Variants in MGAM observed in about 807,000 individuals in gnomAD.
The protein encoded by MGAM is maltase-glucoamylase.
A neutral mutation model predicts 358.8 loss-of-function variants in MGAM; 253 were observed. The ratio of observed to expected loss-of-function variants is 0.71; its 90% confidence interval spans 0.64 to 0.78. MGAM has a LOEUF of 0.78. Among genes scored for constraint, MGAM ranks in the 30% least tolerant of loss-of-function variants. MGAM has a pLI of 0.00. For synonymous variants in MGAM, 1,105 were observed against 1,227.1 expected, an observed-to-expected ratio of 0.90 and a Z score of 2.08; for missense variants, 3,080 against 3,432.6, an observed-to-expected ratio of 0.90 and a Z score of 2.57.
intron 62 of MGAM, 25 bp from the exon 63 acceptor site, chr7:142,094,722 C>T (rs746174875): frequency 1.8e-5 from 29 of 1,613,220 alleles, no homozygotes; most frequent in African/African-American, 2.7e-5. Flanking sequence ...CATCAGCAGG[C>T]TCCTTTTATT....
intron 45 of MGAM, among the ~76,000 whole-genome samples, chr7:142,074,809 A>G (rs1332550086): frequency 1.4e-5 from 2 of 146,480 alleles, no homozygotes; most frequent in Non-Finnish European, 3.1e-5. Context: ...GTAGTCAAAT[A>G]TTTTGTTGGC....
At position 142,027,134 on chromosome 7, in the gene MGAM, G is replaced by T; in HGVS notation, c.1002G>T (p.Ala334=). The stretch of plus-strand genomic sequence containing the variant: ...TTCAAGAGGTTGTCCTTCAGCCTGC[G>T]CCAGCCATCACTTACCGCACCATTG... The part of the protein sequence containing the change: ...SNAMEVVLQP[A]PAITYRTIGG... Residue 334 remains alanine, a synonymous_variant, in exon 9 of 71, where the codon GCG becomes GCT. Coordinates refer to ENST00000475668, the MANE Select transcript of MGAM (RefSeq NM_001365693.1). 1 of 1,612,892 alleles carries T rather than the reference G, an allele frequency of 6.2e-7. No homozygotes were observed. Among genetic ancestry groups the T allele is most frequent in the Non-Finnish European group, 8.5e-7 (1 of 1,179,190 alleles).
At chr7:142,014,248 G>A (rs1397916421) in intron 3 of MGAM, among the ~76,000 whole-genome samples, 1 of 152,148 alleles carries the variant, frequency 6.6e-6, no homozygotes, top group African/African-American at 2.4e-5. Context: ...TCTGTAGGTC[G>A]TTATGTTGGA....
In MGAM at chr7:142,070,169, G is replaced by A. The variant is rs1255111055; in HGVS notation, c.5062-825G>A. Among the ~76,000 whole-genome samples the A allele has an allele frequency of 1.9e-4, 27 of 141,032 alleles. 1 individual carries two copies. The highest frequency in any genetic ancestry group is 6.7e-4 in the African/African-American group (27 of 40,386). 92.5% of individuals were successfully genotyped at this position (141,032 alleles called of 152,430 possible). On this transcript the variant is annotated intron_variant, in intron 43 of 70. Coordinates refer to ENST00000475668, the MANE Select transcript of MGAM (RefSeq NM_001365693.1). The stretch of plus-strand genomic sequence containing the variant: ...GATTGTGCCACTGCACTCCAGCCTG[G>A]GTGACGGAACCAGACTTTGTCTCAA...
rs184482227 is a variant in MGAM at position 141,988,293 on chromosome 7, C to A, written c.-2-17236C>A. Among the ~76,000 whole-genome samples the A allele has an allele frequency of 1.4e-4, 22 of 151,880 alleles. No individual in the cohort carries two copies. The East Asian group carries it at 2.7e-3, about 19-fold the overall frequency. On this transcript the variant is annotated intron_variant, in intron 2 of 5. Transcript: ENST00000465654. Reference sequence around the variant, plus strand: ...CCTGTGCAACACAGCAAGACTCTGTCTTAAAAAAAAACAAAAATATTTAAA... The same window carrying A: ...CCTGTGCAACACAGCAAGACTCTGTATTAAAAAAAAACAAAAATATTTAAA...
intron 21 of MGAM, among the ~76,000 whole-genome samples, chr7:142,044,434 A>G (rs1217478268): frequency 7.9e-5 from 11 of 139,396 alleles, no homozygotes; most frequent in Admixed American, 3.9e-4. Flanking sequence ...CACATACGAT[A>G]TATATAATGA....
chr7:142,054,929 C>T, intron 27 of MGAM, 21 bp downstream of exon 27: 2 of 1,611,512 alleles, frequency 1.2e-6, no homozygotes, highest in Non-Finnish European at 1.7e-6. Context: ...TCTAGTGTGA[C>T]TCAGAGTTGA....
chr7:142,057,178 G>A (rs1018823196), intron 30 of MGAM, among the ~76,000 whole-genome samples: 5 of 152,198 alleles, frequency 3.3e-5, no homozygotes, highest in East Asian at 1.9e-4. Flanking sequence ...GGTAGTGATA[G>A]TAGTGTGATG....
intron 2 of MGAM, among the ~76,000 whole-genome samples, chr7:141,988,236 C>A (rs1051274388): frequency 2.0e-5 from 3 of 151,898 alleles, no homozygotes; most frequent in Admixed American, 2.0e-4. Context: ...TGCAGTGAGC[C>A]GAGATTGCGC....
chr7:142,056,961 G>GT lies in MGAM; in HGVS notation c.3693+22dup, dbSNP rs1044121274. ...CACTGAGGTAGGGGGAAATCCAATT[G>GT]TTTATCAAGTACTTACACAGCACAT... On this transcript the variant is annotated intron_variant, in intron 30 of 70. Transcript: ENST00000475668. 1 of 1,610,810 alleles carries GT rather than the reference G, an allele frequency of 6.2e-7. No homozygotes were observed. The highest frequency in any genetic ancestry group is 8.5e-7 in the Non-Finnish European group (1 of 1,177,546).
In MGAM at chr7:142,030,372, A is replaced by T; in HGVS notation, c.1232A>T (p.His411Leu). 6.2e-7 allele frequency: 1 copy of T among 1,613,136 alleles called. No homozygotes were observed. Among genetic ancestry groups the T allele is most frequent in the Non-Finnish European group, 8.5e-7 (1 of 1,179,512 alleles). The change falls in exon 11 of 71, where the codon CAT becomes CTT. Residue 411 changes from histidine to leucine, a missense_variant. His to Leu is a moderately conservative substitution (Grantham distance 99). Around this residue, in one of 5 missense-constraint regions of MGAM, gnomAD observed 1,816 missense variants for 1,840.5 expected, o/e 0.99. Coordinates refer to ENST00000475668, the MANE Select transcript of MGAM (RefSeq NM_001365693.1). Reference sequence around the variant, plus strand: ...TGTATATTCTTTCAGGATGTTCAGCATGCTGATATTGATTATATGGATGAG... The same window carrying T: ...TGTATATTCTTTCAGGATGTTCAGCTTGCTGATATTGATTATATGGATGAG... Reference protein sequence around the residue: ...RAAQLPYDVQHADIDYMDERR... With the variant: ...RAAQLPYDVQLADIDYMDERR...
chr7:142,000,430 G>A (rs891751579), intron 1 of MGAM, among the ~76,000 whole-genome samples: 1 of 152,178 alleles, frequency 6.6e-6, no homozygotes, highest in Admixed American at 6.5e-5. Flanking sequence ...CAAGGAGGAA[G>A]CTGTAATGCC....
rs1460254398 is a variant in MGAM at position 142,050,771 on chromosome 7, T to A, written c.2712T>A (p.Ile904=). Residue 904 remains isoleucine, a synonymous_variant, in exon 24 of 71, where the codon ATT becomes ATA. Coordinates refer to ENST00000475668, the MANE Select transcript of MGAM (RefSeq NM_001365693.1). The part of the protein sequence containing the change: ...PNNLAFNEIK[I]LGTEEPSNVT... ...ATTTAGCATTTAATGAGATTAAAAT[T>A]CTTGGGACGGAGGAACCTAGCAATG... 1 of 1,613,718 alleles carries A rather than the reference T, an allele frequency of 6.2e-7. No individual in the cohort carries two copies. Among genetic ancestry groups the A allele is most frequent in the Non-Finnish European group, 8.5e-7 (1 of 1,179,780 alleles).
intron 59 of MGAM, 86 bp downstream of exon 59, chr7:142,092,694 A>G: frequency 8.1e-7 from 1 of 1,231,838 alleles, no homozygotes; most frequent in Non-Finnish European, 1.2e-6. Context: ...GGGTGGCCGC[A>G]CAGCTCAGGG....
In MGAM at chr7:142,094,291, C is replaced by G. The variant is rs1585102217; in HGVS notation, c.7173-73C>G. On this transcript the variant is annotated intron_variant, in intron 60 of 70. Coordinates refer to ENST00000475668, the MANE Select transcript of MGAM (RefSeq NM_001365693.1). ...CAAACATTGACTAGGCTCAAGGGCT[C>G]TGGGAGCAGATGCTCTATGGCCTTT... 2.1e-6 allele frequency: 3 copies of G among 1,461,662 alleles called. 1 individual carries two copies. The East Asian group carries it at 7.5e-5, about 37-fold the overall frequency. The allele number at this position is 1,461,662 out of a possible 1,614,324, so 90.5% of individuals were successfully genotyped here. A position where few individuals can be genotyped will look rare whatever the true frequency, so the allele number is the denominator to read the frequency against.
chr7:142,065,494 T>G lies in MGAM; in HGVS notation c.4618+26T>G, dbSNP rs568449627. 208 of 1,613,754 alleles carry G rather than the reference T, an allele frequency of 1.3e-4. 4 individuals carry two copies. In the South Asian group the frequency reaches 2.2e-3, roughly 17 times the overall value. On this transcript the variant is annotated intron_variant, in intron 38 of 70. Coordinates refer to ENST00000475668, the MANE Select transcript of MGAM (RefSeq NM_001365693.1). ...GTGCGTGGGTCCTTCCCCAGGGCCT[T>G]TGCCGACAGGGCAGGGAGTTGGGAT...
In MGAM at chr7:142,036,187, G is replaced by A; in HGVS notation, c.1978G>A (p.Gly660Ser). The A allele has an allele frequency of 6.2e-7, 1 of 1,611,684 alleles. No individual in the cohort carries two copies. The highest frequency in any genetic ancestry group is 8.5e-7 in the Non-Finnish European group (1 of 1,178,876). Residue 660 changes from glycine to serine, a missense_variant, in exon 17 of 71, where the codon GGC becomes AGC. Gly to Ser is a moderately conservative substitution (Grantham distance 56). Transcript: ENST00000475668. ...GIPMVGPDIC[G>S]FALDTPEELC... ...CTTCCAGGTGGGTCCTGACATATGTGGCTTTGCTTTGGACACCCCTGAGGA... is the reference window on the plus strand; with the variant it reads ...CTTCCAGGTGGGTCCTGACATATGTAGCTTTGCTTTGGACACCCCTGAGGA...
At position 142,068,153 on chromosome 7, in the gene MGAM, A is replaced by ATT. The variant is rs113036100; in HGVS notation, c.5005-486_5005-485dup. Among the ~76,000 whole-genome samples, 18 of 125,216 alleles carry ATT rather than the reference A, an allele frequency of 1.4e-4. 3 individuals are homozygous for ATT. The highest frequency in any genetic ancestry group is 2.7e-4 in the Non-Finnish European group (15 of 55,074). The allele number at this position is 125,216 out of a possible 152,430, so 82.1% of individuals were successfully genotyped here. On this transcript the variant is annotated intron_variant, in intron 42 of 70. Transcript: ENST00000475668. ...AGGCATGTGCCACCATTCCCGGCTAATTTTTTTTTCTTTTTTTGTATGTTT... is the reference window on the plus strand; with the variant it reads ...AGGCATGTGCCACCATTCCCGGCTAATTTTTTTTTTTCTTTTTTTGTATGTTT...
chr7:142,045,231 T>TTATATATCATATATGTTATATATGATA (rs1809990921), intron 21 of MGAM, among the ~76,000 whole-genome samples: 1 of 79,252 alleles, frequency 1.3e-5, no homozygotes, highest in Non-Finnish European at 2.2e-5. Context: ...ATAATATATA[T>TTATATATCATATATGTTATATATGATA]TATATATCAT....
Sources: gnomAD v4.1 joint callset for allele counts (sites outside exome capture counted in the v4.1 genomes callset) on GRCh38, gnomAD v4.1.1 for gene constraint, gnomAD v4.1.1 regional missense constraint, MANE v1.5 for transcripts, NCBI Gene and HGNC (gene_info 2026-07-23, HGNC 2026-07-21) for gene names.